Variants in FHL1 observed in about 807,000 individuals in gnomAD.
The protein encoded by FHL1 is four and a half LIM domains protein 1.
FHL1 carries 1 observed loss-of-function variant against 20.3 expected under a neutral mutation model. The observed-to-expected ratio is 0.05, with a 90% CI of 0.02 to 0.23. The LOEUF (loss-of-function observed/expected upper bound fraction) is 0.23, where lower values mean the gene tolerates loss of function less well. Ranked by LOEUF, FHL1 falls within the 10% of genes least tolerant of loss-of-function variation. The pLI is 1.00. For synonymous variants in FHL1, 82 were observed against 88.9 expected, an observed-to-expected ratio of 0.92 and a Z score of 0.44; for missense variants, 177 against 234.0, an observed-to-expected ratio of 0.76 and a Z score of 1.59.
intron 1 of FHL1, among the ~76,000 whole-genome samples, chrX:136,149,576 A>G (rs1290982882): frequency 8.9e-6 from 1 of 112,052 alleles, no homozygotes; most frequent in Non-Finnish European, 1.9e-5. Flanking sequence ...TTCTGTAACC[A>G]TATATGGTTT....
chrX:136,200,023 G>C, intron 1 of FHL1, among the ~76,000 whole-genome samples: 1 of 112,384 alleles, frequency 8.9e-6, no homozygotes, highest in East Asian at 2.8e-4. Context: ...TAAATTGAAA[G>C]CCAAAACTTT....
chrX:136,197,968 G>T (rs372955981), intron 1 of FHL1, among the ~76,000 whole-genome samples: 3 of 96,643 alleles, frequency 3.1e-5, no homozygotes, highest in Non-Finnish European at 4.2e-5. Flanking sequence ...CATTATCTAT[G>T]TTTTTTTTTT....
At chrX:136,147,941 G>A (rs1459769577) in intron 1 of FHL1, 6 of 101,606 alleles carry the variant, frequency 5.9e-5, no homozygotes, top group Admixed American at 5.3e-4. Context: ...GTGGGGTGGA[G>A]GTGGGGGGGA....
upstream of FHL1, chrX:136,169,157 T>C (rs767532005): frequency 8.8e-6 from 1 of 113,803 alleles, no homozygotes; most frequent in Non-Finnish European, 1.8e-5. Flanking sequence ...CCCCAGCCAG[T>C]CCTTTCTGAA....
At position 136,197,087 on chromosome X, in the gene FHL1, C is replaced by G; in HGVS notation, c.-26C>G. On this transcript the variant is annotated 5_prime_UTR_variant, in exon 1 of 6. Coordinates refer to ENST00000370683, the MANE Select transcript of FHL1 (RefSeq NM_001159699.2). ...GGTTGAGGGAAGACTGGTCTAGGTG[C>G]TGCTCCTGAACTTGGTCTCTGAGCC... 8.3e-7 allele frequency: 1 copy of G among 1,206,113 alleles called. No individual in the cohort carries two copies.
chrX:136,178,265 A>G (rs965043903), intron 2 of FHL1, among the ~76,000 whole-genome samples: 10 of 111,872 alleles, frequency 8.9e-5, no homozygotes, highest in African/African-American at 3.2e-4. Flanking sequence ...TGATATTTCA[A>G]TTTTGTTTGA....
intron 1 of FHL1, among the ~76,000 whole-genome samples, chrX:136,202,991 T>C (rs1023423999): frequency 2.6e-4 from 29 of 112,367 alleles, no homozygotes; most frequent in Admixed American, 1.9e-4. Flanking sequence ...CTGAGCACAC[T>C]GCGTGCATGA....
chrX:136,191,331 G>T (rs995946713), intron 2 of FHL1, among the ~76,000 whole-genome samples: 1 of 112,374 alleles, frequency 8.9e-6, no homozygotes, highest in South Asian at 3.7e-4. Context: ...CTTGGCAGAT[G>T]GGAGCCAAGT....
At chrX:136,170,671 ATAATG>A (rs2072840551) in intron 2 of FHL1, among the ~76,000 whole-genome samples, 1 of 111,086 alleles carries the variant, frequency 9.0e-6, no homozygotes, top group African/African-American at 3.3e-5. Context: ...ACCTTTGAAA[ATAATG>A]AAGGAATCTA....
chrX:136,160,272 G>A (rs1341400010), intron 1 of FHL1, among the ~76,000 whole-genome samples: 1 of 111,285 alleles, frequency 9.0e-6, no homozygotes, highest in Non-Finnish European at 1.9e-5. Flanking sequence ...GAAGGCAAAT[G>A]GGAGCCATCA....
At position 136,173,696 on chromosome X, in the gene FHL1, CT is replaced by C. The variant is rs971227072; in HGVS notation, c.-27+3733del. On this transcript the variant is annotated intron_variant, in intron 2 of 6. Coordinates refer to the FHL1 transcript ENST00000394153. ...GAGCCAAATGGCTGCTGTTTCTTTT[CT>C]TTTTTTTTTTTTTTTTCCTGAGATG... Among the ~76,000 whole-genome samples, 151 of 94,880 alleles carry C rather than the reference CT, an allele frequency of 1.6e-3. 1 individual carries two copies. The highest frequency in any genetic ancestry group is 5.6e-3 in the Middle Eastern group (1 of 180). 82.4% of individuals were successfully genotyped at this position (94,880 alleles called of 115,157 possible).
intron 1 of FHL1, among the ~76,000 whole-genome samples, chrX:136,150,403 T>C (rs939815240): frequency 8.9e-6 from 1 of 111,784 alleles, no homozygotes; most frequent in Non-Finnish European, 1.9e-5. Context: ...TTGGCTTTTA[T>C]AACCTTATGG....
At chrX:136,186,156 A>G (rs1180502509) in intron 2 of FHL1, among the ~76,000 whole-genome samples, 2 of 111,639 alleles carry the variant, frequency 1.8e-5, no homozygotes, top group East Asian at 5.6e-4. Flanking sequence ...CTGCATGAGG[A>G]TATGTTGTGT....
chrX:136,155,376 T>C (rs1399169649), intron 1 of FHL1, among the ~76,000 whole-genome samples: 1 of 112,160 alleles, frequency 8.9e-6, no homozygotes, highest in Non-Finnish European at 1.9e-5. Context: ...GAAATGTCAT[T>C]GACAGAATAG....
chrX:136,198,418 A>G (rs2073616161), intron 1 of FHL1, among the ~76,000 whole-genome samples: 1 of 112,448 alleles, frequency 8.9e-6, no homozygotes, highest in South Asian at 3.6e-4. Flanking sequence ...TTTAAATTGC[A>G]CCAAATTCTT....
At chrX:136,146,900 G>A, upstream of FHL1, 1 of 329,864 alleles carries the variant, frequency 3.0e-6, no homozygotes, top group Non-Finnish European at 5.9e-6. Context: ...TTGCTACTAA[G>A]GGGAGGGGTC....
At chrX:136,167,676 C>T (rs1174601795), upstream of FHL1, among the ~76,000 whole-genome samples, 1 of 111,677 alleles carries the variant, frequency 9.0e-6, no homozygotes, top group African/African-American at 3.3e-5. Flanking sequence ...TGTCCTTTCC[C>T]CACCTGTAGC....
At chrX:136,168,631 A>C (rs1347072503), upstream of FHL1, among the ~76,000 whole-genome samples, 1 of 111,419 alleles carries the variant, frequency 9.0e-6, no homozygotes, top group Non-Finnish European at 1.9e-5. Flanking sequence ...CCTGGCAAAC[A>C]AGAACCCTGT....
At chrX:136,183,874 T>C (rs1466681446) in intron 2 of FHL1, among the ~76,000 whole-genome samples, 1 of 111,745 alleles carries the variant, frequency 8.9e-6, no homozygotes, top group East Asian at 2.8e-4. Context: ...ACACTTAATC[T>C]CTTTAATGTC....
Sources: gnomAD v4.1 joint callset for allele counts (sites outside exome capture counted in the v4.1 genomes callset) on GRCh38, gnomAD v4.1.1 for gene constraint, MANE v1.5 for transcripts, NCBI Gene and HGNC (gene_info 2026-07-23, HGNC 2026-07-21) for gene names.